The following SLC30A6 variants were observed in gnomAD, a reference collection of about 807,000 sequenced individuals.
SLC30A6 encodes solute carrier family 30 member 6.
In SLC30A6, 55 loss-of-function variants were observed where a neutral mutation model predicts 63.0. That is an observed-to-expected ratio of 0.87 (90% CI 0.70 to 1.09). The LOEUF is 1.09. SLC30A6 is among the 50% of genes least tolerant of loss of function. The pLI is 0.00. For missense variants in SLC30A6, 587 were observed against 549.2 expected (o/e 1.07, Z -0.69); for synonymous variants, 224 against 186.1 (o/e 1.20, Z -1.66).
intron 10 of SLC30A6, chr2:32,201,962 A>G (rs1293882354): frequency 7.1e-7 from 1 of 1,416,334 alleles, no homozygotes; most frequent in Non-Finnish European, 9.7e-7. Context: ...CTTTCAGATG[A>G]ATTCTCTAAA....
rs548207704 is a variant in SLC30A6, at chr2:32,168,192, T to C, written c.3+2289T>C. Among the ~76,000 whole-genome samples, 4 of 152,090 alleles carry C rather than the reference T, an allele frequency of 2.6e-5. No individual in the cohort carries two copies. The South Asian group carries it at 6.2e-4, about 24-fold the overall frequency. ...TTAAGAACATGCTATGTGAAAACAG[T>C]ACTTTCTTAGAAAATATAAAGAAAA... On this transcript the variant is annotated intron_variant, in intron 1 of 13. Coordinates refer to ENST00000282587, the MANE Select transcript of SLC30A6 (RefSeq NM_017964.5).
rs74488584 is a variant in SLC30A6 at position 32,198,891 on chromosome 2, A to G, written c.665+1065A>G. Among the ~76,000 whole-genome samples the G allele has an allele frequency of 3.3e-3, 499 of 152,230 alleles. 13 individuals are homozygous for G. The East Asian group carries it at 0.068, about 21-fold the overall frequency. ...GTTTTTTATTTACATTGAGTGTACAATTTGGTGACATTGCATGCAGCCATT... is the reference window on the plus strand; with the variant it reads ...GTTTTTTATTTACATTGAGTGTACAGTTTGGTGACATTGCATGCAGCCATT... On this transcript the variant is annotated intron_variant, in intron 10 of 13. Coordinates refer to ENST00000282587, the MANE Select transcript of SLC30A6 (RefSeq NM_017964.5).
chr2:32,193,248 A>G (rs879263971), intron 7 of SLC30A6, among the ~76,000 whole-genome samples: 5 of 152,028 alleles, frequency 3.3e-5, no homozygotes, highest in African/African-American at 7.2e-5. Flanking sequence ...TGTAATTTCA[A>G]ATTTGACCTT....
chr2:32,172,164 A>G (rs2148800365), intron 2 of SLC30A6, among the ~76,000 whole-genome samples: 1 of 152,264 alleles, frequency 6.6e-6, no homozygotes, highest in African/African-American at 2.4e-5. Flanking sequence ...GACTGTCTCT[A>G]TTTTGCTCAC....
At chr2:32,192,276 A>C in intron 5 of SLC30A6, 60 bp from the exon 6 acceptor site, 16 of 1,473,654 alleles carry the variant, frequency 1.1e-5, no homozygotes, top group Non-Finnish European at 1.5e-5. Flanking sequence ...AATGTGTTCT[A>C]GAGAGACTGG....
In SLC30A6 at chr2:32,222,433, T is replaced by C. The variant is rs1416472354; in HGVS notation, c.*1720T>C. 6.6e-6 allele frequency: 1 copy of C among 152,168 alleles called. No individual in the cohort carries two copies. The highest frequency in any genetic ancestry group is 6.5e-5 in the Admixed American group (1 of 15,270). The allele number at this position is 152,168 out of a possible 1,614,324, so 9.4% of individuals were successfully genotyped here. On this transcript the variant is annotated 3_prime_UTR_variant, in exon 14 of 14. Transcript: ENST00000282587. ...TGCAACAGTTTCTTCAGTCAACTCA[T>C]TCACTTTCAAATAGGAGCAGCACTT... is the stretch of plus-strand genomic sequence containing the variant.
At chr2:32,190,371 A>G (rs1228827312) in intron 5 of SLC30A6, among the ~76,000 whole-genome samples, 2 of 151,932 alleles carry the variant, frequency 1.3e-5, no homozygotes, top group Non-Finnish European at 2.9e-5. Context: ...AGGCAGGAGA[A>G]TCACTTGAGC....
chr2:32,168,596 A>G (rs1680895110), intron 1 of SLC30A6, among the ~76,000 whole-genome samples: 1 of 152,178 alleles, frequency 6.6e-6, no homozygotes. Context: ...GGAATGATCT[A>G]GGAAGACTTC....
chr2:32,188,496 C>G (rs1449676128), intron 5 of SLC30A6, among the ~76,000 whole-genome samples: 1 of 152,098 alleles, frequency 6.6e-6, no homozygotes, highest in African/African-American at 2.4e-5. Context: ...GAGTTTGAGA[C>G]CAGCCTAACC....
chr2:32,217,433 G>C (rs1259193197), intron 13 of SLC30A6, among the ~76,000 whole-genome samples: 1 of 152,118 alleles, frequency 6.6e-6, no homozygotes, highest in Admixed American at 6.6e-5. Context: ...CTATGTGTTT[G>C]TCTTTTTACC....
At position 32,197,404 on chromosome 2, in the gene SLC30A6, T is replaced by C. The variant is rs778892453; in HGVS notation, c.545+12T>C. The C allele has an allele frequency of 1.8e-5, 29 of 1,609,432 alleles. No individual in the cohort carries two copies. The highest frequency in any genetic ancestry group is 2.1e-5 in the Non-Finnish European group (25 of 1,176,044). ...GATCTTAGTCGAAGGTAAGATGTTATGGAGTTTCATGATATGCATAATTTA... is the reference window on the plus strand; with the variant it reads ...GATCTTAGTCGAAGGTAAGATGTTACGGAGTTTCATGATATGCATAATTTA... On this transcript the variant is annotated intron_variant, in intron 9 of 13. Coordinates refer to ENST00000282587, the MANE Select transcript of SLC30A6 (RefSeq NM_017964.5).
rs1680718684 is a variant in SLC30A6, at chr2:32,166,957, A to G, written c.3+1054A>G. ...AGTTATATTTCTAAAATTTGACCAC[A>G]TCACTCCCTTACTCAAATTTTCTCC... On this transcript the variant is annotated intron_variant, in intron 1 of 13. Coordinates refer to ENST00000282587, the MANE Select transcript of SLC30A6 (RefSeq NM_017964.5). 4.0e-5 allele frequency among the ~76,000 whole-genome samples: 6 copies of G among 151,482 alleles called. No individual in the cohort carries two copies. The South Asian group carries it at 8.3e-4, about 21-fold the overall frequency.
intron 4 of SLC30A6, among the ~76,000 whole-genome samples, chr2:32,182,290 A>G (rs1682398489): frequency 6.6e-6 from 1 of 152,098 alleles, no homozygotes; most frequent in South Asian, 2.1e-4. Flanking sequence ...ATCCGATGCA[A>G]TTTCAAAAAT....
At chr2:32,183,778 T>C (rs80172637) in intron 4 of SLC30A6, among the ~76,000 whole-genome samples, 3,500 of 152,082 alleles carry the variant, frequency 0.023, 116 homozygotes, top group African/African-American at 0.079. Context: ...CTCAATTTCA[T>C]ATTGTAGTAA....
At chr2:32,199,521 G>A (rs1558407036) in intron 10 of SLC30A6, among the ~76,000 whole-genome samples, 1 of 152,056 alleles carries the variant, frequency 6.6e-6, no homozygotes, top group East Asian at 1.9e-4. Flanking sequence ...GGTAAATGGG[G>A]TATCCATCAC....
intron 8 of SLC30A6, among the ~76,000 whole-genome samples, chr2:32,195,735 T>C (rs1036726434): frequency 6.6e-6 from 1 of 151,746 alleles, no homozygotes; most frequent in African/African-American, 2.4e-5. Context: ...AGAGACAAAG[T>C]CTACCTGTGT....
At chr2:32,217,457 TTTGG>T (rs1685807124) in intron 13 of SLC30A6, among the ~76,000 whole-genome samples, 1 of 152,214 alleles carries the variant, frequency 6.6e-6, no homozygotes. Flanking sequence ...ACCATGCTGT[TTTGG>T]TTACTGTAGC....
At chr2:32,202,902 C>T (rs560840066) in intron 10 of SLC30A6, 18 of 1,048,696 alleles carry the variant, frequency 1.7e-5, no homozygotes, top group South Asian at 5.0e-5. Flanking sequence ...TTTGGCCATC[C>T]GGTGTCATTG....
In SLC30A6 at chr2:32,221,001, C is replaced by T. The variant is rs1686109693; in HGVS notation, c.*288C>T. ...GTAGTTGACTGCAGTGTGATGTGAC[C>T]TTACCTTTATAAGAGCCACTTGATG... is the stretch of plus-strand genomic sequence containing the variant. On this transcript the variant is annotated 3_prime_UTR_variant, in exon 14 of 14. Transcript: ENST00000282587. 3.1e-6 allele frequency: 1 copy of T among 323,938 alleles called. No homozygotes were observed. The highest frequency in any genetic ancestry group is 3.9e-5 in the South Asian group (1 of 25,862). The allele number at this position is 323,938 out of a possible 1,614,324, so 20.1% of individuals were successfully genotyped here.
Sources: allele counts gnomAD v4.1 joint callset (sites outside exome capture counted in the v4.1 genomes callset), GRCh38; gene constraint gnomAD v4.1.1; transcripts MANE v1.5; gene names NCBI Gene and HGNC (gene_info 2026-07-23, HGNC 2026-07-21).